Variants in OXR1 observed in about 807,000 individuals in gnomAD.
OXR1 encodes the protein oxidation resistance protein 1.
Under a neutral mutation model 104.6 loss-of-function variants are expected in OXR1, and 41 were observed. The observed-to-expected ratio is 0.39, with a 90% CI of 0.31 to 0.51. The LOEUF (loss-of-function observed/expected upper bound fraction) is 0.51, where lower values mean the gene tolerates loss of function less well. Among genes scored for constraint, OXR1 ranks in the 20% least tolerant of loss-of-function variants. OXR1 has a pLI of 0.77. For synonymous variants in OXR1, 348 were observed against 348.4 expected (o/e 1.00, Z 0.01); for missense variants, 955 against 1,031.9 (o/e 0.93, Z 1.02).
intron 2 of OXR1, among the ~76,000 whole-genome samples, chr8:106,506,037 G>A (rs1443956157): frequency 6.6e-6 from 1 of 152,142 alleles, no homozygotes; most frequent in Non-Finnish European, 1.5e-5. Flanking sequence ...ATATAATTTG[G>A]AGGTATAATA....
At chr8:106,460,334 C>T (rs920412891) in intron 2 of OXR1, among the ~76,000 whole-genome samples, 2 of 152,148 alleles carry the variant, frequency 1.3e-5, no homozygotes, top group African/African-American at 2.4e-5. Context: ...GATTAAGTGC[C>T]TTCATCTTTT....
At chr8:106,467,142 T>G (rs1470450999) in intron 2 of OXR1, among the ~76,000 whole-genome samples, 2 of 151,930 alleles carry the variant, frequency 1.3e-5, no homozygotes, top group African/African-American at 4.8e-5. Context: ...TCATCCACTG[T>G]TGAGAGATGA....
rs147249650 is a variant in OXR1 at position 106,597,067 on chromosome 8, A to C, written c.220+77928A>C. 1.9e-3 allele frequency among the ~76,000 whole-genome samples: 287 copies of C among 152,136 alleles called. 2 individuals carry two copies. The highest frequency in any genetic ancestry group is 6.5e-3 in the African/African-American group (271 of 41,488). ...ACTGCACCTCAAAAACAAACAAACA[A>C]AAAAAAGAACTAGTACGTGGTATGT... On this transcript the variant is annotated intron_variant, in intron 3 of 16. Transcript: ENST00000517566.
intron 3 of OXR1, among the ~76,000 whole-genome samples, chr8:106,559,284 C>A (rs558875877): frequency 2.0e-5 from 3 of 152,314 alleles, no homozygotes; most frequent in Non-Finnish European, 4.4e-5. Flanking sequence ...CATGTACTGT[C>A]CATATTTCTA....
At chr8:106,555,100 C>T (rs983411085) in intron 3 of OXR1, among the ~76,000 whole-genome samples, 10 of 152,116 alleles carry the variant, frequency 6.6e-5, no homozygotes, top group Non-Finnish European at 4.4e-5. Context: ...TCATGTTGTA[C>T]GTTAGATCCT....
At chr8:106,429,225 C>G (rs1264902315) in intron 2 of OXR1, among the ~76,000 whole-genome samples, 1 of 152,042 alleles carries the variant, frequency 6.6e-6, no homozygotes, top group Non-Finnish European at 1.5e-5. Flanking sequence ...CTGAGTTGGC[C>G]CCCCAATCTG....
At chr8:106,409,327 T>C (rs1384760052) in intron 2 of OXR1, among the ~76,000 whole-genome samples, 1 of 152,116 alleles carries the variant, frequency 6.6e-6, no homozygotes, top group Non-Finnish European at 1.5e-5. Context: ...TAGCTGGTCA[T>C]TGTGGCTGGT....
chr8:106,598,942 G>A (rs145521117), intron 3 of OXR1, among the ~76,000 whole-genome samples: 230 of 152,198 alleles, frequency 1.5e-3, no homozygotes, highest in Middle Eastern at 0.01. Flanking sequence ...ATTATTTCTC[G>A]TGTCCTTAAT....
intron 14 of OXR1, among the ~76,000 whole-genome samples, chr8:106,741,810 A>T (rs1347735918): frequency 1.3e-5 from 2 of 152,160 alleles, no homozygotes; most frequent in East Asian, 3.8e-4. Flanking sequence ...TAAAGAAAAA[A>T]TATCATATTT....
At chr8:106,350,774 G>T (rs1158308980) in intron 1 of OXR1, among the ~76,000 whole-genome samples, 1 of 152,314 alleles carries the variant, frequency 6.6e-6, no homozygotes, top group African/African-American at 2.4e-5. Context: ...TCATTCAATT[G>T]TTCTAGAGAG....
chr8:106,481,815 A>C (rs1017207937), intron 2 of OXR1, among the ~76,000 whole-genome samples: 1 of 152,076 alleles, frequency 6.6e-6, no homozygotes, highest in East Asian at 1.9e-4. Context: ...TTGTCCATTA[A>C]TTTTTATTGT....
At chr8:106,288,498 C>T (rs1303013519) in intron 1 of OXR1, among the ~76,000 whole-genome samples, 1 of 149,162 alleles carries the variant, frequency 6.7e-6, no homozygotes, top group Non-Finnish European at 1.5e-5. Flanking sequence ...CCTCCCTTGA[C>T]AACCTAAATA....
At chr8:106,546,210 A>G (rs1022294646) in intron 3 of OXR1, among the ~76,000 whole-genome samples, 1 of 152,006 alleles carries the variant, frequency 6.6e-6, no homozygotes, top group Admixed American at 6.6e-5. Flanking sequence ...TGCTTTACCC[A>G]CCACAGTTTT....
chr8:106,329,854 C>T (rs1814637848), intron 1 of OXR1, among the ~76,000 whole-genome samples: 1 of 151,718 alleles, frequency 6.6e-6, no homozygotes, highest in Non-Finnish European at 1.5e-5. Context: ...GTTTCATCAC[C>T]TATAATGGGG....
intron 11 of OXR1, among the ~76,000 whole-genome samples, chr8:106,731,252 G>A (rs1316675447): frequency 6.6e-6 from 1 of 152,072 alleles, no homozygotes; most frequent in East Asian, 1.9e-4. Context: ...CATAAACATA[G>A]AGATAGAACA....
At chr8:106,271,903 C>T (rs1811829796) in intron 1 of OXR1, 1 of 152,104 alleles carries the variant, frequency 6.6e-6, no homozygotes, top group Non-Finnish European at 1.5e-5. Flanking sequence ...TCCAAAGGGT[C>T]CATCTCCAAG....
intron 3 of OXR1, among the ~76,000 whole-genome samples, chr8:106,534,549 T>G (rs1814338559): frequency 6.6e-6 from 1 of 152,230 alleles, no homozygotes. Context: ...GCTGTGACAG[T>G]ATAGTGTAGT....
chr8:106,664,870 T>G (rs993934003), intron 3 of OXR1, among the ~76,000 whole-genome samples: 2 of 152,196 alleles, frequency 1.3e-5, no homozygotes, highest in African/African-American at 4.8e-5. Context: ...ATCAATAGGT[T>G]TGTGGAAGTT....
At chr8:106,555,076 A>G (rs879563872) in intron 3 of OXR1, among the ~76,000 whole-genome samples, 1 of 152,202 alleles carries the variant, frequency 6.6e-6, no homozygotes, top group Non-Finnish European at 1.5e-5. Flanking sequence ...AATACAATAC[A>G]TTAACTATAG....
Sources: gnomAD v4.1 joint callset for allele counts (sites outside exome capture counted in the v4.1 genomes callset) on GRCh38, gnomAD v4.1.1 for gene constraint, MANE v1.5 for transcripts, NCBI Gene and HGNC (gene_info 2026-07-23, HGNC 2026-07-21) for gene names.